The following SCGB1C1 variants were observed in gnomAD, a reference collection of about 807,000 sequenced individuals.
The protein encoded by SCGB1C1 is ligand binding protein RYD5.
Under a neutral mutation model 8.9 loss-of-function variants are expected in SCGB1C1, and 2 were observed. That is an observed-to-expected ratio of 0.23 (90% confidence interval 0.09 to 0.71). The LOEUF (loss-of-function observed/expected upper bound fraction) is 0.71, where lower values mean the gene tolerates loss of function less well. Ranked by LOEUF, SCGB1C1 falls within the 30% of genes least tolerant of loss-of-function variation. SCGB1C1 has a pLI of 0.78. For missense variants in SCGB1C1, 25 were observed against 112.7 expected (o/e 0.22, Z 3.52); for synonymous variants, 6 against 45.8 (o/e 0.13, Z 3.51).
At chr11:193,559 G>C (rs1288853187) in intron 1 of SCGB1C1, among the ~76,000 whole-genome samples, 153 bp from the exon 2 acceptor site, 2 of 152,300 alleles carry the variant, frequency 1.3e-5, no homozygotes, top group African/African-American at 4.8e-5. Flanking sequence ...GGTGGAGTTG[G>C]AGGTGTTGTG....
chr11:191,905 A>C (rs1335179115), upstream of SCGB1C1, among the ~76,000 whole-genome samples: 1 of 149,460 alleles, frequency 6.7e-6, no homozygotes, highest in Non-Finnish European at 1.5e-5. Context: ...CCTAACCCCT[A>C]ACCCTTACCG....
At chr11:194,333 A>G in intron 2 of SCGB1C1, 85 bp from the exon 3 acceptor site, 1 of 1,176,902 alleles carries the variant, frequency 8.5e-7, no homozygotes, top group Non-Finnish European at 1.3e-6. Context: ...ACCCCCCCCC[A>G]CTGAGGGCCT....
At chr11:189,356 G>A (rs61875958), upstream of SCGB1C1, among the ~76,000 whole-genome samples, 26,473 of 146,534 alleles carry the variant, frequency 0.18, 5 homozygotes, top group East Asian at 0.39. Flanking sequence ...ACGTCGTCAG[G>A]ACCTCCTGAG....
upstream of SCGB1C1, among the ~76,000 whole-genome samples, chr11:191,897 TA>T (rs61495142): frequency 2.3e-5 from 1 of 43,590 alleles, no homozygotes; most frequent in African/African-American, 7.1e-5. Context: ...CCCCTACCCC[TA>T]ACCCCTAACC....
upstream of SCGB1C1, among the ~76,000 whole-genome samples, chr11:192,604 A>AC (rs1449306144): frequency 2.7e-5 from 4 of 147,124 alleles, no homozygotes; most frequent in Non-Finnish European, 6.0e-5. Context: ...TGCAGCCTGC[A>AC]CCCCCTTCCC....
chr11:189,667 T>G (rs1854749471), upstream of SCGB1C1, among the ~76,000 whole-genome samples: 1 of 152,288 alleles, frequency 6.6e-6, no homozygotes, highest in Non-Finnish European at 1.5e-5. Flanking sequence ...AGAGACGGGT[T>G]GAACCTCAGT....
chr11:191,821 T>G (rs1403284157), upstream of SCGB1C1, among the ~76,000 whole-genome samples: 3 of 87,492 alleles, frequency 3.4e-5, no homozygotes, highest in East Asian at 8.7e-4. Context: ...CCCTAACCCC[T>G]AACCCCTAAC....
chr11:190,075 AC>A (rs1854767305), upstream of SCGB1C1, among the ~76,000 whole-genome samples: 6 of 3,688 alleles, frequency 1.6e-3, no homozygotes, highest in African/African-American at 4.5e-3. Flanking sequence ...CCTGCTGGCA[AC>A]CAGGGCACTG....
upstream of SCGB1C1, among the ~76,000 whole-genome samples, chr11:191,880 ACCCTAACCCCTAC>A (rs1166049473): frequency 0.011 from 50 of 4,506 alleles, no homozygotes; most frequent in South Asian, 0.054. Context: ...CCTAACCCTA[ACCCTAACCCCTAC>A]CCCTAACCCC....
chr11:193,350 A>AAAG, intron 1 of SCGB1C1, among the ~76,000 whole-genome samples, 196 bp downstream of exon 1: 1 of 150,176 alleles, frequency 6.7e-6, no homozygotes, highest in Non-Finnish European at 1.5e-5. Flanking sequence ...CAGCTGACCC[A>AAAG]ACACCAGCCC....
upstream of SCGB1C1, among the ~76,000 whole-genome samples, chr11:188,138 T>C (rs1180850212): frequency 1.3e-5 from 2 of 152,174 alleles, no homozygotes; most frequent in South Asian, 2.1e-4. Context: ...GCCACCTCTA[T>C]ACCTCACTTC....
At chr11:193,619 A>C in intron 1 of SCGB1C1, 93 bp from the exon 2 acceptor site, 1 of 1,552,854 alleles carries the variant, frequency 6.4e-7, no homozygotes, top group Non-Finnish European at 8.8e-7. Flanking sequence ...AGGTCTGGAG[A>C]CCATGGAGGT....
upstream of SCGB1C1, among the ~76,000 whole-genome samples, chr11:191,738 CAAG>C (rs1482894296): frequency 6.6e-6 from 1 of 152,298 alleles, no homozygotes. Context: ...GAAGGAAAAA[CAAG>C]AACTCTTTTC....
upstream of SCGB1C1, among the ~76,000 whole-genome samples, chr11:190,842 A>G (rs1358043568): frequency 6.6e-6 from 1 of 151,752 alleles, no homozygotes; most frequent in African/African-American, 2.4e-5. Flanking sequence ...TTATGGTGCC[A>G]GGTTTCTCTT....
upstream of SCGB1C1, among the ~76,000 whole-genome samples, chr11:189,928 GT>G (rs1267510865): frequency 2.0e-5 from 3 of 152,412 alleles, no homozygotes; most frequent in Admixed American, 2.0e-4. Flanking sequence ...TCACAGTGTA[GT>G]GGCAGCACGC....
chr11:191,971 C>T (rs1854821361), upstream of SCGB1C1, among the ~76,000 whole-genome samples: 1 of 152,280 alleles, frequency 6.6e-6, no homozygotes, highest in African/African-American at 2.4e-5. Flanking sequence ...CCCTAAACCC[C>T]TTACTGTAAC....
intron 1 of SCGB1C1, 29 bp from the exon 2 acceptor site, chr11:193,683 G>C: frequency 1.2e-6 from 2 of 1,611,144 alleles, no homozygotes; most frequent in Non-Finnish European, 1.7e-6. Context: ...ACCCTGTCCT[G>C]TCCTGGCATC....
At chr11:193,069 C>G (rs1279692467), upstream of SCGB1C1, 1 of 1,396,778 alleles carries the variant, frequency 7.2e-7, no homozygotes, top group Non-Finnish European at 9.9e-7. Flanking sequence ...TCCCGGGATT[C>G]TGGCTGGAGG....
At chr11:189,435 CGGCGCAGGCGCACAGAGGCGCGGCGCGCG>C (rs1343637680), upstream of SCGB1C1, among the ~76,000 whole-genome samples, 7 of 149,900 alleles carry the variant, frequency 4.7e-5, no homozygotes, top group Non-Finnish European at 1.0e-4. Flanking sequence ...CGCGGCGCGC[CGGCGCAGGCGCACAGAGGCGCGGCGCGCG>C]GGCGCCGGCG....
Sources: gnomAD v4.1 joint callset for allele counts (sites outside exome capture counted in the v4.1 genomes callset) on GRCh38, gnomAD v4.1.1 for gene constraint, MANE v1.5 for transcripts, NCBI Gene and HGNC (gene_info 2026-07-23, HGNC 2026-07-21) for gene names.